L3MBTL1: variants seen among roughly 807,000 people sequenced by gnomAD.
L3MBTL1 encodes the protein lethal(3)malignant brain tumor-like protein 1.
In L3MBTL1, 75 loss-of-function variants were observed where a neutral mutation model predicts 105.3. That is an observed-to-expected ratio of 0.71 (90% CI 0.59 to 0.86). The LOEUF is 0.86. L3MBTL1 is among the 40% of genes least tolerant of loss of function. The pLI, the probability that L3MBTL1 is intolerant of heterozygous loss-of-function variation, is 0.00. For synonymous variants in L3MBTL1, 452 were observed against 436.2 expected, an observed-to-expected ratio of 1.04 and a Z score of -0.45; for missense variants, 1,069 against 1,126.4, an observed-to-expected ratio of 0.95 and a Z score of 0.73.
intron 19 of L3MBTL1, among the ~76,000 whole-genome samples, chr20:43,538,086 C>T (rs1378221232): frequency 6.6e-6 from 1 of 152,200 alleles, no homozygotes; most frequent in African/African-American, 2.4e-5. Flanking sequence ...TCATCTCATA[C>T]TGTTTCCTCT....
exon 19 of L3MBTL1, chr20:43,550,776 G>A (rs1424447635): frequency 1.3e-5 from 2 of 152,154 alleles, no homozygotes; most frequent in Admixed American, 1.3e-4. Context: ...CATGCACTTT[G>A]GTGGGGTTAC....
rs745722478 is a variant in L3MBTL1, at chr20:43,540,946, A to G, written c.2407A>G (p.Arg803Gly). 1.9e-5 allele frequency: 31 copies of G among 1,613,994 alleles called. No homozygotes were observed. The highest frequency in any genetic ancestry group is 2.5e-5 in the Non-Finnish European group (29 of 1,179,984). Reference sequence around the variant, plus strand: ...GTTGCCCCACCAGGCAAGAATAGTCAGAGTGACCCATGTATCTGGGAAGAC... The same window carrying G: ...GTTGCCCCACCAGGCAAGAATAGTCGGAGTGACCCATGTATCTGGGAAGAC... ...RLFKDEARIV[R>G]VTHVSGKTLV... The change falls in exon 22 of 22, where the codon AGA (arginine) becomes GGA (glycine). Residue 803 changes from arginine (R) to glycine (G), a missense_variant. Transcript: ENST00000418998.
Position 43,535,820 on chromosome 20 carries a change from C to T in L3MBTL1, c.1826-17C>T. On this transcript the variant is annotated splice_polypyrimidine_tract_variant and intron_variant, in intron 16 of 21. Coordinates refer to ENST00000418998, the MANE Select transcript of L3MBTL1 (RefSeq NM_001377303.1). ...CCCCAGGACTCCATGAGGACCGCCTCCTTTCTGCTCTTTTAGGACCCAGAG... is the reference window on the plus strand; with the variant it reads ...CCCCAGGACTCCATGAGGACCGCCTTCTTTCTGCTCTTTTAGGACCCAGAG... 1.3e-6 allele frequency: 2 copies of T among 1,543,302 alleles called. No homozygotes were observed. Among genetic ancestry groups the T allele is most frequent in the Non-Finnish European group, 1.8e-6 (2 of 1,140,484 alleles).
In L3MBTL1 at chr20:43,540,998, G is replaced by C; in HGVS notation, c.2459G>C (p.Gly820Ala). ...CTAGTCTGGACTGTGGCCCAGCTTG[G>C]GGACCTTGTGTGCTCAGATCATCTT... is the stretch of plus-strand genomic sequence containing the variant. ...KTLVWTVAQLGDLVCSDHLQE... is the reference protein window; with the variant it reads ...KTLVWTVAQLADLVCSDHLQE... Residue 820 changes from glycine to alanine, a missense_variant, in exon 22 of 22, where the codon GGG (glycine) becomes GCG (alanine). By Grantham distance (60) the Gly-to-Ala change is moderately conservative (BLOSUM62 0). Coordinates refer to ENST00000418998, the MANE Select transcript of L3MBTL1 (RefSeq NM_001377303.1). 6.2e-7 allele frequency: 1 copy of C among 1,614,144 alleles called. No homozygotes were observed. Among genetic ancestry groups the C allele is most frequent in the Non-Finnish European group, 8.5e-7 (1 of 1,180,032 alleles).
At chr20:43,546,481 T>C (rs116928107), downstream of L3MBTL1, among the ~76,000 whole-genome samples, 3,157 of 152,306 alleles carry the variant, frequency 0.021, 58 homozygotes, top group Non-Finnish European at 0.034. Flanking sequence ...CTTCATAGGG[T>C]TATTGTGAGG....
exon 19 of L3MBTL1, chr20:43,548,473 G>A (rs916411): frequency 0.97 from 288,182 of 296,396 alleles, 140,124 homozygotes; most frequent in East Asian, 1. Flanking sequence ...TGGTGAGGGC[G>A]TGACTGGCAG....
chr20:43,548,059 C>T (rs557624033), intron 18 of L3MBTL1: 13 of 1,291,132 alleles, frequency 1.0e-5, no homozygotes, highest in Admixed American at 2.3e-5. Context: ...ACCCCTGCCC[C>T]GTGACCCTTT....
rs1459924204 is a variant in L3MBTL1, at chr20:43,513,516, G to A, written c.13G>A (p.Ala5Thr). The A allele has an allele frequency of 1.9e-6, 3 of 1,550,672 alleles. No individual in the cohort carries two copies. The highest frequency in any genetic ancestry group is 2.6e-6 in the Non-Finnish European group (3 of 1,147,010). Residue 5 changes from alanine (A) to threonine (T), a missense_variant, in exon 2 of 22, where the codon GCT becomes ACT. Ala to Thr is a moderately conservative substitution (Grantham distance 58, BLOSUM62 0). Coordinates refer to ENST00000418998, the MANE Select transcript of L3MBTL1 (RefSeq NM_001377303.1). ...GGGGCATGCTGGGATGGAGGGGCAT[G>A]CTGAAATGGAGATGCTGAGGACACT... MEGH[A>T]EMEMLRTLKG...
chr20:43,527,508 T>G (rs970889852), intron 7 of L3MBTL1, among the ~76,000 whole-genome samples: 12 of 152,156 alleles, frequency 7.9e-5, no homozygotes, highest in Non-Finnish European at 1.3e-4. Context: ...CTTGGAGGCA[T>G]GGACAGGACC....
In L3MBTL1 at chr20:43,533,039, T is replaced by C. The variant is rs1388711990; in HGVS notation, c.1436+115T>C. ...CAGTCCAGTTCTGACATTCAGATCT[T>C]CCTCCGGTTGGAAGATAATTGAATT... On this transcript the variant is annotated intron_variant, in intron 12 of 21. Transcript: ENST00000418998. 1.3e-5 allele frequency: 13 copies of C among 1,014,282 alleles called. No homozygotes were observed. The East Asian group carries it at 2.5e-4, about 20-fold the overall frequency. The allele number at this position is 1,014,282 out of a possible 1,614,324, so 62.8% of individuals were successfully genotyped here. A position where few individuals can be genotyped will look rare whatever the true frequency, so the allele number is the denominator to read the frequency against.
rs2019491706 is a variant in L3MBTL1 at position 43,534,284 on chromosome 20, C to A, written c.1600C>A (p.Arg534=). The change falls in exon 15 of 22, where the codon CGA becomes AGA. Residue 534 remains arginine, a splice_region_variant and synonymous_variant. Transcript: ENST00000418998. Reference sequence around the variant, plus strand: ...CTGAAGGCAGCTGTCCCCTCTGCAGCGACCCCCTCACAGCTTCCTGGTCAA... The same window carrying A: ...CTGAAGGCAGCTGTCCCCTCTGCAGAGACCCCCTCACAGCTTCCTGGTCAA... The part of the protein sequence containing the change: ...SAVPTWAFKV[R]PPHSFLVNMK... The A allele has an allele frequency of 3.7e-6, 6 of 1,613,200 alleles. No individual in the cohort carries two copies. Among genetic ancestry groups the A allele is most frequent in the Non-Finnish European group, 5.1e-6 (6 of 1,179,634 alleles).
At chr20:43,548,299 G>C (rs1176111869) in exon 19 of L3MBTL1, 1 of 1,285,564 alleles carries the variant, frequency 7.8e-7, no homozygotes, top group African/African-American at 1.5e-5. Flanking sequence ...CTCTCCAGCT[G>C]ATGCTTTCTT....
chr20:43,540,449 C>A, intron 20 of L3MBTL1, 141 bp downstream of exon 20: 1 of 973,246 alleles, frequency 1.0e-6, no homozygotes, highest in Non-Finnish European at 1.5e-6. Flanking sequence ...TGCACAGTCC[C>A]TTCTAGCTGC....
intron 7 of L3MBTL1, among the ~76,000 whole-genome samples, chr20:43,517,316 G>A (rs771355537): frequency 3.9e-5 from 6 of 152,110 alleles, no homozygotes; most frequent in Non-Finnish European, 5.9e-5. Flanking sequence ...GGCTGGTCTC[G>A]AACTCTTACC....
Position 43,533,454 on chromosome 20 carries a change from G to A in L3MBTL1, c.1513+36G>A, listed in dbSNP as rs758962006. 3 of 1,576,356 alleles carry A rather than the reference G, an allele frequency of 1.9e-6. No homozygotes were observed. The African/African-American group carries it at 4.1e-5, about 21-fold the overall frequency. ...AGCCTGAGCAAGCCCCCTTTCCTAA[G>A]CCTGGCTCTGCTTCCCTCTCCACTG... is the stretch of plus-strand genomic sequence containing the variant. On this transcript the variant is annotated intron_variant, in intron 13 of 21. Transcript: ENST00000418998.
At chr20:43,530,133 G>A (rs2019251058) in intron 9 of L3MBTL1, 151 bp from the exon 10 acceptor site, 2 of 872,896 alleles carry the variant, frequency 2.3e-6, no homozygotes, top group Non-Finnish European at 3.6e-6. Context: ...AGGACAGGGT[G>A]GGGTACAATT....
chr20:43,533,021 G>A (rs1358337141), intron 12 of L3MBTL1, 97 bp downstream of exon 12: 14 of 1,218,162 alleles, frequency 1.1e-5, no homozygotes, highest in Middle Eastern at 3.9e-4. Flanking sequence ...ACTCAGTCCA[G>A]TTCTGACATT....
At chr20:43,536,002 G>A (rs1262106190) in intron 17 of L3MBTL1, 66 bp downstream of exon 17, 25 of 1,586,630 alleles carry the variant, frequency 1.6e-5, no homozygotes, top group Non-Finnish European at 1.8e-5. Flanking sequence ...CAGGCGACTG[G>A]GGTCCACCAA....
At chr20:43,514,343 T>G (rs2018242555) in intron 3 of L3MBTL1, 20 of 1,116,254 alleles carry the variant, frequency 1.8e-5, no homozygotes, top group Non-Finnish European at 2.3e-5. Flanking sequence ...TGGGCCTGTG[T>G]TAGTTTGGGG....
Sources: gnomAD v4.1 joint callset for allele counts (sites outside exome capture counted in the v4.1 genomes callset) on GRCh38, gnomAD v4.1.1 for gene constraint, MANE v1.5 for transcripts, NCBI Gene and HGNC (gene_info 2026-07-23, HGNC 2026-07-21) for gene names.